Variants in COL24A1 observed in about 807,000 individuals in gnomAD.
COL24A1 encodes the protein collagen alpha-1(XXIV) chain.
A neutral mutation model predicts 253.9 loss-of-function variants in COL24A1; 224 were observed. The ratio of observed to expected loss-of-function variants is 0.88; its 90% CI spans 0.79 to 0.99. The LOEUF is 0.99. Ranked by LOEUF, COL24A1 falls within the 50% of genes least tolerant of loss-of-function variation. COL24A1 has a pLI of 0.00. For synonymous variants in COL24A1, 685 were observed against 673.7 expected (o/e 1.02, Z -0.26); for missense variants, 2,131 against 2,068.5 (o/e 1.03, Z -0.59).
At chr1:86,108,759 A>G (rs1294094419) in intron 5 of COL24A1, among the ~76,000 whole-genome samples, 3 of 151,410 alleles carry the variant, frequency 2.0e-5, no homozygotes, top group Non-Finnish European at 4.4e-5. Context: ...GTGAGCCGAG[A>G]TCGCACCATT....
At chr1:86,063,436 A>G (rs1347327931) in intron 8 of COL24A1, among the ~76,000 whole-genome samples, 1 of 151,858 alleles carries the variant, frequency 6.6e-6, no homozygotes, top group Non-Finnish European at 1.5e-5. Context: ...AGTATTTATG[A>G]GACTCTCAAA....
At position 85,876,625 on chromosome 1, in the gene COL24A1, C is replaced by T. The variant is rs1294506925; in HGVS notation, c.3030+497G>A. On this transcript the variant is annotated intron_variant, in intron 33 of 59. Transcript: ENST00000370571. Reference sequence around the variant, plus strand: ...GTAAAAGGGCAACTTCAGGTCAAGACTGAGAAAGGCTAATGAGAAGGTGAA... The same window carrying T: ...GTAAAAGGGCAACTTCAGGTCAAGATTGAGAAAGGCTAATGAGAAGGTGAA... Among the ~76,000 whole-genome samples, 10 of 152,002 alleles carry T rather than the reference C, an allele frequency of 6.6e-5. No homozygotes were observed. In the East Asian group the frequency reaches 1.3e-3, roughly 20 times the overall value.
chr1:85,781,145 T>C (rs1038116343), intron 52 of COL24A1, 75 bp downstream of exon 52: 1 of 1,098,024 alleles, frequency 9.1e-7, no homozygotes. Context: ...CCCAGGCTAA[T>C]TCTTTGTAGA....
intron 59 of COL24A1, among the ~76,000 whole-genome samples, chr1:85,731,083 G>A (rs1384280232): frequency 6.6e-6 from 1 of 152,194 alleles, no homozygotes; most frequent in Non-Finnish European, 1.5e-5. Context: ...AAGGGAACGA[G>A]CTATTTCAAC....
chr1:85,837,647 G>T (rs1208539834), intron 43 of COL24A1, among the ~76,000 whole-genome samples: 1 of 152,058 alleles, frequency 6.6e-6, no homozygotes, highest in Non-Finnish European at 1.5e-5. Context: ...AAAAAGAATA[G>T]CAACAGAATG....
At chr1:86,068,969 A>T (rs542799120) in intron 7 of COL24A1, among the ~76,000 whole-genome samples, 1 of 152,068 alleles carries the variant, frequency 6.6e-6, no homozygotes, top group South Asian at 2.1e-4. Context: ...ATAACCACCA[A>T]TGATACCCAG....
chr1:85,976,366 C>T (rs868649711), intron 20 of COL24A1, among the ~76,000 whole-genome samples: 21 of 152,146 alleles, frequency 1.4e-4, no homozygotes, highest in Admixed American at 3.3e-4. Flanking sequence ...CTAATGCTAC[C>T]GGCTTTCCCC....
In COL24A1 at chr1:85,843,411, A is replaced by G. The variant is rs1304345685; in HGVS notation, c.3463-1018T>C. 2.0e-5 allele frequency among the ~76,000 whole-genome samples: 3 copies of G among 152,326 alleles called. No homozygotes were observed. In the East Asian group the frequency reaches 5.8e-4, roughly 29 times the overall value. The stretch of plus-strand genomic sequence containing the variant: ...TACCTAGGTGAATAATCTAGAATAG[A>G]ATGTAACTACTCAGTATTCATTAGC... On this transcript the variant is annotated intron_variant, in intron 39 of 59. Transcript: ENST00000370571.
rs1558002098 is a variant in COL24A1, at chr1:85,755,924, C to CAG, written c.4437+5471_4437+5472insCT. ...CTATATCAGAAAAAAAAAAAAACTT[C>CAG]TGTGCATCAAGGGACACTATAAAGA... On this transcript the variant is annotated intron_variant, in intron 55 of 59. Coordinates refer to ENST00000370571, the MANE Select transcript of COL24A1 (RefSeq NM_152890.7). Among the ~76,000 whole-genome samples, 7 of 7,466 alleles carry CAG rather than the reference C, an allele frequency of 9.4e-4. No homozygotes were observed. In the East Asian group the frequency reaches 0.074, roughly 79 times the overall value. The allele number at this position is 7,466 out of a possible 152,430, so 4.9% of individuals were successfully genotyped here. A position where few individuals can be genotyped will look rare whatever the true frequency, so the allele number is the denominator to read the frequency against.
chr1:86,156,465 G>GCCTGC lies in COL24A1; in HGVS notation c.-70_-69insGCAGG, dbSNP rs1653638330. ...AAGCCAACTCTGAACTGCTTAGGGT[G>GCCTGC]CAGGTACTGTCCATGAAAAAGGGAA... is the stretch of plus-strand genomic sequence containing the variant. On this transcript the variant is annotated 5_prime_UTR_variant, in exon 1 of 60. The change creates a premature stop within an existing upstream ORF in the 5' untranslated region. Coordinates refer to ENST00000370571, the MANE Select transcript of COL24A1 (RefSeq NM_152890.7). 1 of 1,403,346 alleles carries GCCTGC rather than the reference G, an allele frequency of 7.1e-7. No homozygotes were observed. The highest frequency in any genetic ancestry group is 9.7e-7 in the Non-Finnish European group (1 of 1,028,018). 86.9% of individuals were successfully genotyped at this position (1,403,346 alleles called of 1,614,324 possible).
At position 85,849,333 on chromosome 1, in the gene COL24A1, A is replaced by G. The variant is rs1456270331; in HGVS notation, c.3354+20T>C. On this transcript the variant is annotated intron_variant, in intron 38 of 59. Coordinates refer to ENST00000370571, the MANE Select transcript of COL24A1 (RefSeq NM_152890.7). ...ACATCAGAAGAAAGAAAACCTGCAT[A>G]AGAAGATGTAAAAAATTACCTTTTT... 1 of 1,608,296 alleles carries G rather than the reference A, an allele frequency of 6.2e-7. No individual in the cohort carries two copies.
intron 14 of COL24A1, among the ~76,000 whole-genome samples, chr1:86,024,280 T>C (rs1232153960): frequency 2.0e-5 from 3 of 152,256 alleles, no homozygotes; most frequent in Middle Eastern, 3.4e-3. Flanking sequence ...ACTTTTTTTT[T>C]CCTGCCTTCC....
At chr1:85,843,781 G>A (rs1419404768) in intron 39 of COL24A1, among the ~76,000 whole-genome samples, 5 of 152,112 alleles carry the variant, frequency 3.3e-5, no homozygotes, top group African/African-American at 4.8e-5. Flanking sequence ...ATAAGTGAAT[G>A]CGTGTGGAAA....
At chr1:86,011,422 G>A (rs1364782132) in intron 19 of COL24A1, among the ~76,000 whole-genome samples, 2 of 152,002 alleles carry the variant, frequency 1.3e-5, no homozygotes, top group Non-Finnish European at 2.9e-5. Context: ...TTAGTTCACT[G>A]GGCTAACTCA....
intron 31 of COL24A1, among the ~76,000 whole-genome samples, 159 bp downstream of exon 31, chr1:85,895,699 A>G (rs1683607271): frequency 6.6e-6 from 1 of 152,168 alleles, no homozygotes; most frequent in East Asian, 1.9e-4. Flanking sequence ...AAAGGTAATC[A>G]GCTCATAATT....
chr1:85,873,387 A>G (rs1680758835), intron 35 of COL24A1, among the ~76,000 whole-genome samples: 2 of 152,214 alleles, frequency 1.3e-5, no homozygotes, highest in African/African-American at 2.4e-5. Context: ...ACACATGCAC[A>G]TGTATGTTTA....
intron 2 of COL24A1, among the ~76,000 whole-genome samples, chr1:86,136,476 A>AT (rs953335748): frequency 7.9e-5 from 12 of 151,904 alleles, no homozygotes; most frequent in Admixed American, 2.0e-4. Flanking sequence ...TATTTCATTC[A>AT]TTTTTTTCTA....
At chr1:85,743,195 T>A (rs563404123) in intron 57 of COL24A1, among the ~76,000 whole-genome samples, 2 of 152,286 alleles carry the variant, frequency 1.3e-5, no homozygotes, top group African/African-American at 4.8e-5. Flanking sequence ...GAGGGTCTTG[T>A]ATAATTTGAC....
At chr1:85,924,604 T>C (rs1473653420) in intron 24 of COL24A1, among the ~76,000 whole-genome samples, 1 of 152,132 alleles carries the variant, frequency 6.6e-6, no homozygotes, top group Admixed American at 6.6e-5. Context: ...GAAAAGGCCT[T>C]TGACAAAACT....
Sources: gnomAD v4.1 joint callset for allele counts (sites outside exome capture counted in the v4.1 genomes callset) on GRCh38, gnomAD v4.1.1 for gene constraint, MANE v1.5 for transcripts, NCBI Gene and HGNC (gene_info 2026-07-23, HGNC 2026-07-21) for gene names.